Variants in EEF1A2 observed in about 807,000 individuals in gnomAD.
The protein encoded by EEF1A2 is eukaryotic translation elongation factor 1 alpha 2.
Under a neutral mutation model 39.3 loss-of-function variants are expected in EEF1A2, and 5 were observed. The observed-to-expected ratio is 0.13, with a 90% CI of 0.07 to 0.27. The LOEUF is 0.27. Among genes scored for constraint, EEF1A2 ranks in the 10% least tolerant of loss-of-function variants. The pLI is 1.00. For missense variants in EEF1A2, 218 were observed against 681.4 expected, an observed-to-expected ratio of 0.32 and a Z score of 7.57; for synonymous variants, 287 against 293.7, an observed-to-expected ratio of 0.98 and a Z score of 0.23.
intron 6 of EEF1A2, 105 bp downstream of exon 6, chr20:63,490,374 G>T (rs558771513): frequency 2.1e-6 from 3 of 1,445,364 alleles, no homozygotes; most frequent in Non-Finnish European, 1.9e-6. Flanking sequence ...CTGAGGGTCT[G>T]GTTTTCTCCC....
rs765738067 is a variant in EEF1A2, at chr20:63,490,774, G to A, written c.773-39C>T. On this transcript the variant is annotated intron_variant, in intron 5 of 7. Transcript: ENST00000217182. ...GGGGTGTGAGGGGAAGGTGGGGCCC[G>A]AGGGGATGCTGGGGCAGGATATTCG... The A allele has an allele frequency of 4.3e-4, 669 of 1,572,072 alleles. No homozygotes were observed. Among genetic ancestry groups the A allele is most frequent in the Non-Finnish European group, 5.2e-4 (602 of 1,159,678 alleles).
In EEF1A2 at chr20:63,488,861, T is replaced by TCAGCCTGGATCAGCCA. The variant is rs1344021812; in HGVS notation, c.1264+41_1264+56dup. ...GCCCCATCCCCGCAGTCCTCTGCCC[T>TCAGCCTGGATCAGCCA]CAGCCTGGATCAGCCACAGCCTGGG... On this transcript the variant is annotated intron_variant, in intron 7 of 7. Transcript: ENST00000217182. The TCAGCCTGGATCAGCCA allele has an allele frequency of 8.9e-6, 14 of 1,574,722 alleles. No individual in the cohort carries two copies. The East Asian group carries it at 1.1e-4, about 13-fold the overall frequency.
intron 6 of EEF1A2, chr20:63,490,108 C>T (rs903113040): frequency 2.8e-5 from 5 of 176,758 alleles, no homozygotes; most frequent in African/African-American, 7.1e-5. Flanking sequence ...CGCTCTGTCA[C>T]GCAGGCTGGA....
At position 63,488,052 on chromosome 20, in the gene EEF1A2, G is replaced by A. The variant is rs771237766; in HGVS notation, c.*246C>T. On this transcript the variant is annotated 3_prime_UTR_variant, in exon 8 of 8. Transcript: ENST00000217182. ...TTTATTGGTAAAACGGGCACTGAGC[G>A]TGGCGAGCGCTGGGCGCGGAAGCCT... is the stretch of plus-strand genomic sequence containing the variant. The A allele has an allele frequency of 1.7e-4, 26 of 154,914 alleles. 1 individual carries two copies. Among genetic ancestry groups the A allele is most frequent in the Admixed American group, 8.5e-4 (13 of 15,282 alleles). The allele number at this position is 154,914 out of a possible 1,614,324, so 9.6% of individuals were successfully genotyped here. A position where few individuals can be genotyped will look rare whatever the true frequency, so the allele number is the denominator to read the frequency against.
intron 5 of EEF1A2, among the ~76,000 whole-genome samples, chr20:63,491,037 G>C (rs2082376305): frequency 6.6e-6 from 1 of 152,242 alleles, no homozygotes; most frequent in Non-Finnish European, 1.5e-5. Flanking sequence ...TGGGCAGAGA[G>C]GGGCTGTCTG....
Position 63,497,986 on chromosome 20 carries a change from TG to T in EEF1A2, c.-71-153del. On this transcript the variant is annotated intron_variant, in intron 1 of 7. Transcript: ENST00000217182. The surrounding 1 kb of genome is among the most constrained non-coding windows in gnomAD (Gnocchi z 7.3). Reference sequence around the variant, plus strand: ...GGAGGGAAGGGCCCCCACCCACAGCTGGGCCTGGCCAGGGCAAGCAGAGGCT... The same window carrying T: ...GGAGGGAAGGGCCCCCACCCACAGCTGGCCTGGCCAGGGCAAGCAGAGGCT... 1.8e-6 allele frequency: 1 copy of T among 565,436 alleles called. No individual in the cohort carries two copies. Among genetic ancestry groups the T allele is most frequent in the Non-Finnish European group, 3.0e-6 (1 of 333,322 alleles). The allele number at this position is 565,436 out of a possible 1,614,324, so 35.0% of individuals were successfully genotyped here.
Position 63,489,189 on chromosome 20 carries a change from G to A in EEF1A2, c.1030-37C>T, listed in dbSNP as rs150334972. 2.9e-4 allele frequency: 462 copies of A among 1,597,324 alleles called. 2 individuals carry two copies. Among genetic ancestry groups the A allele is most frequent in the East Asian group, 2.0e-3 (91 of 44,568 alleles). On this transcript the variant is annotated intron_variant, in intron 6 of 7. Transcript: ENST00000217182. ...GCCACAGGCGGCCATCAGGCACATC[G>A]GCGGTGGGCACCGGGAGGGCGCCAG...
chr20:63,497,334 C>A lies in EEF1A2; in HGVS notation c.144+286G>T. ...CCAGCGCCCTCCAGCCCCAGCTCAA[C>A]ATGGCAGAGTTCCAGAGCCTTCTGC... On this transcript the variant is annotated intron_variant, in intron 2 of 7. Transcript: ENST00000217182. The surrounding 1 kb of genome is among the most constrained non-coding windows in gnomAD (Gnocchi z 7.3). The A allele has an allele frequency of 2.9e-6, 1 of 340,994 alleles. No individual in the cohort carries two copies. Among genetic ancestry groups the A allele is most frequent in the East Asian group, 6.0e-5 (1 of 16,708 alleles). 21.1% of individuals were successfully genotyped at this position (340,994 alleles called of 1,614,324 possible). A position where few individuals can be genotyped will look rare whatever the true frequency, so the allele number is the denominator to read the frequency against.
rs1366529579 is a variant in EEF1A2 at position 63,488,243 on chromosome 20, C to T, written c.*55G>A. ...GCGGGGGCGGGGCGGGGGCCCGGGC[C>T]CGGGGTTCGGAGCGCGGCACCGCCG... On this transcript the variant is annotated 3_prime_UTR_variant, in exon 8 of 8. Transcript: ENST00000217182. 1 of 858,216 alleles carries T rather than the reference C, an allele frequency of 1.2e-6. No individual in the cohort carries two copies. Among genetic ancestry groups the T allele is most frequent in the African/African-American group, 4.1e-5 (1 of 24,494 alleles). The allele number at this position is 858,216 out of a possible 1,614,324, so 53.2% of individuals were successfully genotyped here.
rs1463952867 is a variant in EEF1A2, at chr20:63,488,267, C to T, written c.*31G>A. 1.5e-4 allele frequency: 160 copies of T among 1,070,810 alleles called. No homozygotes were observed. The highest frequency in any genetic ancestry group is 1.7e-4 in the Non-Finnish European group (146 of 879,664). The allele number at this position is 1,070,810 out of a possible 1,614,324, so 66.3% of individuals were successfully genotyped here. A position where few individuals can be genotyped will look rare whatever the true frequency, so the allele number is the denominator to read the frequency against. On this transcript the variant is annotated 3_prime_UTR_variant, in exon 8 of 8. Transcript: ENST00000217182. ...CCCGGGGTTCGGAGCGCGGCACCGCCGGGGAGGGTCGCGCCGCGGGCGCCC... is the reference window on the plus strand; with the variant it reads ...CCCGGGGTTCGGAGCGCGGCACCGCTGGGGAGGGTCGCGCCGCGGGCGCCC...
intron 5 of EEF1A2, among the ~76,000 whole-genome samples, chr20:63,492,679 A>AGGATGGATGGGTGGGGAGAT (rs2082394830): frequency 8.0e-6 from 1 of 124,696 alleles, no homozygotes; most frequent in African/African-American, 3.1e-5. Context: ...GATAGAGAGA[A>AGGATGGATGGGTGGGGAGAT]GGATGGATGG....
chr20:63,490,421 G>A (rs1205492954), intron 6 of EEF1A2, 58 bp downstream of exon 6: 1 of 1,568,808 alleles, frequency 6.4e-7, no homozygotes, highest in Non-Finnish European at 8.7e-7. Flanking sequence ...CCTCACCCAG[G>A]ACAGTCCTGC....
intron 3 of EEF1A2, 123 bp downstream of exon 3, chr20:63,495,733 G>A: frequency 7.7e-7 from 1 of 1,301,172 alleles, no homozygotes; most frequent in South Asian, 1.4e-5. Context: ...CCCAGGTGAG[G>A]GGTCCCCTGC....
chr20:63,488,874 G>A (rs1386442260), intron 7 of EEF1A2, 44 bp downstream of exon 7: 1 of 1,595,444 alleles, frequency 6.3e-7, no homozygotes, highest in South Asian at 1.1e-5. Context: ...GCCTGGATCA[G>A]CCACAGCCTG....
In EEF1A2 at chr20:63,495,113, G is replaced by T; in HGVS notation, c.325-12C>A. 6.2e-7 allele frequency: 1 copy of T among 1,603,802 alleles called. No homozygotes were observed. The highest frequency in any genetic ancestry group is 8.5e-7 in the Non-Finnish European group (1 of 1,177,150). On this transcript the variant is annotated splice_polypyrimidine_tract_variant and intron_variant, in intron 3 of 7. Coordinates refer to ENST00000217182, the MANE Select transcript of EEF1A2 (RefSeq NM_001958.5). Reference sequence around the variant, plus strand: ...ACTGCGCAGTCCGCCTGCCCGGCAGGGGACACAGTGAGCCCTGCCCCGCCT... The same window carrying T: ...ACTGCGCAGTCCGCCTGCCCGGCAGTGGACACAGTGAGCCCTGCCCCGCCT...
chr20:63,497,482 C>T lies in EEF1A2; in HGVS notation c.144+138G>A. On this transcript the variant is annotated intron_variant, in intron 2 of 7. Coordinates refer to ENST00000217182, the MANE Select transcript of EEF1A2 (RefSeq NM_001958.5). The surrounding 1 kb of genome is among the most constrained non-coding windows in gnomAD (Gnocchi z 7.3). ...ACCAGACCCTCTGAGGCCTGAGTGC[C>T]CCACAGCGGGGGTCCCTCCTGCCCT... The T allele has an allele frequency of 1.4e-6, 2 of 1,382,304 alleles. No homozygotes were observed. Among genetic ancestry groups the T allele is most frequent in the South Asian group, 2.9e-5 (2 of 68,694 alleles). The allele number at this position is 1,382,304 out of a possible 1,614,324, so 85.6% of individuals were successfully genotyped here.
chr20:63,495,416 C>G (rs762432901), intron 3 of EEF1A2, among the ~76,000 whole-genome samples: 1 of 152,224 alleles, frequency 6.6e-6, no homozygotes, highest in African/African-American at 2.4e-5. Flanking sequence ...GTTATCAAAG[C>G]AGTTTGGAGG....
chr20:63,497,425 C>G lies in EEF1A2; in HGVS notation c.144+195G>C, dbSNP rs1328694551. ...GGCAGCTCGATGGCCACCCCTCCCC[C>G]ACCAAGCTCCCCCTAAGAGAGAGGC... On this transcript the variant is annotated intron_variant, in intron 2 of 7. Transcript: ENST00000217182. This position sits in a 1 kb window ranked among gnomAD's most constrained non-coding sequence, Gnocchi z 7.3. 3.8e-6 allele frequency: 3 copies of G among 799,418 alleles called. No individual in the cohort carries two copies. Among genetic ancestry groups the G allele is most frequent in the African/African-American group, 1.8e-5 (1 of 56,310 alleles). 49.5% of individuals were successfully genotyped at this position (799,418 alleles called of 1,614,324 possible).
At position 63,488,355 on chromosome 20, in the gene EEF1A2, G is replaced by A. The variant is rs372257864; in HGVS notation, c.1335C>T (p.Ser445=). The change falls in exon 8 of 8, where the codon AGC becomes AGT. Residue 445 remains serine, a synonymous_variant. Transcript: ENST00000217182. ...ACTTGGTGACCTTGCCGGCGCCGCC[G>A]CTCTTCTTCTCCACGTTCTTGATGA... The part of the protein sequence containing the change: ...VGVIKNVEKK[S]GGAGKVTKSA... 4.2e-3 allele frequency: 6,219 copies of A among 1,470,598 alleles called. 45 individuals are homozygous for A. The highest frequency in any genetic ancestry group is 0.026 in the South Asian group (1,983 of 77,372). The allele number at this position is 1,470,598 out of a possible 1,614,324, so 91.1% of individuals were successfully genotyped here.
Sources: allele counts gnomAD v4.1 joint callset (sites outside exome capture counted in the v4.1 genomes callset), GRCh38; gene constraint gnomAD v4.1.1; non-coding constraint Gnocchi (gnomAD v3.1); transcripts MANE v1.5; gene names NCBI Gene and HGNC (gene_info 2026-07-23, HGNC 2026-07-21).